COL23A1: variants seen among roughly 807,000 people sequenced by gnomAD.
COL23A1 encodes the protein collagen type XXIII alpha 1 chain.
COL23A1 carries 97 observed loss-of-function variants against 99.3 expected under a neutral mutation model. The observed-to-expected ratio is 0.98, with a 90% CI of 0.83 to 1.16. COL23A1 has a LOEUF of 1.16. COL23A1 is among the 50% of genes most tolerant of loss of function. COL23A1 has a pLI of 0.00. For missense variants in COL23A1, 762 were observed against 757.4 expected (o/e 1.01, Z -0.07); for synonymous variants, 320 against 308.2 (o/e 1.04, Z -0.40).
At chr5:178,493,604 G>T (rs1408603027) in intron 2 of COL23A1, among the ~76,000 whole-genome samples, 1 of 152,232 alleles carries the variant, frequency 6.6e-6, no homozygotes, top group African/African-American at 2.4e-5. Flanking sequence ...GGCCCTGCCA[G>T]CCGCTCTGGC....
In COL23A1 at chr5:178,246,170, G is replaced by A. The variant is rs369748856; in HGVS notation, c.1413+84C>T. ...CCTGCGAAGTGCAGGGACCCAGTGA[G>A]GTACAGGGTTGGGGTCCCCGGGCTG... On this transcript the variant is annotated intron_variant, in intron 24 of 28. Transcript: ENST00000390654. The A allele has an allele frequency of 6.0e-6, 5 of 836,996 alleles. No homozygotes were observed. In the South Asian group the frequency reaches 7.3e-5, roughly 12 times the overall value. The allele number at this position is 836,996 out of a possible 1,614,324, so 51.8% of individuals were successfully genotyped here.
At chr5:178,423,516 CCTGGG>C (rs1159610854) in intron 2 of COL23A1, among the ~76,000 whole-genome samples, 1 of 152,160 alleles carries the variant, frequency 6.6e-6, no homozygotes, top group Non-Finnish European at 1.5e-5. Flanking sequence ...GTGAGGGTAG[CCTGGG>C]CTGAGCCGCG....
chr5:178,464,678 G>C (rs1756318170), intron 2 of COL23A1, among the ~76,000 whole-genome samples: 1 of 152,198 alleles, frequency 6.6e-6, no homozygotes, highest in Non-Finnish European at 1.5e-5. Flanking sequence ...TTAAACAATA[G>C]AAAAAGCTGG....
Position 178,249,716 on chromosome 5 carries a change from A to ACACACACTCTCTCTCT in COL23A1, c.1059+344_1059+345insAGAGAGAGAGTGTGTG. ...CACACACACACACACACACACACAC[A>ACACACACTCTCTCTCT]CTCTCTCTCTCTCTCTCTCTCTCTC... On this transcript the variant is annotated intron_variant, in intron 18 of 28. Transcript: ENST00000390654. Among the ~76,000 whole-genome samples, 80 of 92,800 alleles carry ACACACACTCTCTCTCT rather than the reference A, an allele frequency of 8.6e-4. 1 individual carries two copies. Among genetic ancestry groups the ACACACACTCTCTCTCT allele is most frequent in the African/African-American group, 2.9e-3 (68 of 23,476 alleles). 60.9% of individuals were successfully genotyped at this position (92,800 alleles called of 152,430 possible).
chr5:178,248,138 AC>A lies in COL23A1; in HGVS notation c.1212+53del, dbSNP rs906036985. On this transcript the variant is annotated intron_variant, in intron 20 of 28. Transcript: ENST00000390654. Reference sequence around the variant, plus strand: ...TTTTGTCCCAAGGCTCAGGGTCCCCACCCAGCCTGGACTGGGTGTTGGGGGA... The same window carrying A: ...TTTTGTCCCAAGGCTCAGGGTCCCCACCAGCCTGGACTGGGTGTTGGGGGA... The A allele has an allele frequency of 4.5e-6, 6 of 1,318,902 alleles. No homozygotes were observed. In the Admixed American group the frequency reaches 6.1e-5, roughly 13 times the overall value. The allele number at this position is 1,318,902 out of a possible 1,614,324, so 81.7% of individuals were successfully genotyped here. A position where few individuals can be genotyped will look rare whatever the true frequency, so the allele number is the denominator to read the frequency against.
intron 2 of COL23A1, among the ~76,000 whole-genome samples, chr5:178,443,630 T>TG (rs1458770929): frequency 1.3e-5 from 2 of 151,524 alleles, no homozygotes; most frequent in East Asian, 3.9e-4. Flanking sequence ...CCAGCTATTT[T>TG]TTTTTTTCGT....
chr5:178,523,225 G>GAGAGAGAGAC (rs1760098729), intron 2 of COL23A1, among the ~76,000 whole-genome samples: 1 of 108,076 alleles, frequency 9.3e-6, no homozygotes, highest in Non-Finnish European at 2.0e-5. Flanking sequence ...GAGAGAGAGA[G>GAGAGAGAGAC]ACAGAGGGAG....
chr5:178,260,740 G>C (rs1765580077), intron 11 of COL23A1, among the ~76,000 whole-genome samples: 1 of 152,204 alleles, frequency 6.6e-6, no homozygotes, highest in African/African-American at 2.4e-5. Flanking sequence ...GTTGCAGTGG[G>C]CTGAGATTGT....
At chr5:178,290,297 T>C in intron 4 of COL23A1, 65 bp downstream of exon 4, 3 of 1,611,214 alleles carry the variant, frequency 1.9e-6, no homozygotes, top group Non-Finnish European at 2.5e-6. Flanking sequence ...TTCATGGAAT[T>C]GCAACAGAGA....
At chr5:178,377,201 A>G (rs1763117434) in intron 2 of COL23A1, among the ~76,000 whole-genome samples, 1 of 152,202 alleles carries the variant, frequency 6.6e-6, no homozygotes, top group Non-Finnish European at 1.5e-5. Context: ...AGCTATGATT[A>G]ACGTAATTCC....
chr5:178,248,158 TG>T, intron 20 of COL23A1, 33 bp downstream of exon 20: 3 of 1,458,926 alleles, frequency 2.1e-6, no homozygotes, highest in Non-Finnish European at 2.9e-6. Context: ...GACTGGGTGT[TG>T]GGGGAAGCCC....
intron 2 of COL23A1, among the ~76,000 whole-genome samples, chr5:178,467,660 C>T (rs1036837249): frequency 6.6e-6 from 1 of 152,190 alleles, no homozygotes; most frequent in African/African-American, 2.4e-5. Flanking sequence ...CCACGGCACA[C>T]CCGCTTCGTG....
intron 2 of COL23A1, among the ~76,000 whole-genome samples, chr5:178,502,293 G>T (rs557548328): frequency 6.6e-6 from 1 of 152,066 alleles, no homozygotes; most frequent in Non-Finnish European, 1.5e-5. Context: ...CACCACGCCC[G>T]GCTAATTTTT....
intron 2 of COL23A1, among the ~76,000 whole-genome samples, chr5:178,499,990 A>G (rs1001537570): frequency 6.6e-6 from 1 of 152,192 alleles, no homozygotes; most frequent in African/African-American, 2.4e-5. Flanking sequence ...AGTTACATAG[A>G]CTTCTTGGAA....
Position 178,366,614 on chromosome 5 carries a change from C to T in COL23A1, c.362-59695G>A, listed in dbSNP as rs1459222920. The stretch of plus-strand genomic sequence containing the variant: ...GATCACTGTGACTAGAACAAGTCCT[C>T]GTGTCTCTCTATGTGAGCCCCCAAC... On this transcript the variant is annotated intron_variant, in intron 2 of 28. Transcript: ENST00000390654. The surrounding 1 kb of genome is among the most constrained non-coding windows in gnomAD (Gnocchi z 4.4). 6.6e-6 allele frequency among the ~76,000 whole-genome samples: 1 copy of T among 152,156 alleles called. No individual in the cohort carries two copies. The highest frequency in any genetic ancestry group is 1.5e-5 in the Non-Finnish European group (1 of 68,024).
chr5:178,459,418 T>C (rs1755992725), intron 2 of COL23A1, among the ~76,000 whole-genome samples: 1 of 152,196 alleles, frequency 6.6e-6, no homozygotes, highest in Non-Finnish European at 1.5e-5. Context: ...GTGACTGGTA[T>C]GTGGGGCTCA....
intron 2 of COL23A1, among the ~76,000 whole-genome samples, chr5:178,398,905 C>G (rs1388777001): frequency 6.6e-6 from 1 of 152,236 alleles, no homozygotes; most frequent in Admixed American, 6.5e-5. Context: ...AGCACCCAGA[C>G]AGCCTGGCAC....
rs558832497 is a variant in COL23A1 at position 178,444,156 on chromosome 5, T to C, written c.361+116526A>G. Among the ~76,000 whole-genome samples, 144 of 152,178 alleles carry C rather than the reference T, an allele frequency of 9.5e-4. 1 individual carries two copies. The highest frequency in any genetic ancestry group is 3.3e-3 in the African/African-American group (137 of 41,532). ...AGGAGGTCAAGGCTGCAGTAAGCTG[T>C]GATTGCACCACGGCCGGGGTTACAG... On this transcript the variant is annotated intron_variant, in intron 2 of 28. Coordinates refer to ENST00000390654, the MANE Select transcript of COL23A1 (RefSeq NM_173465.4).
intron 5 of COL23A1, among the ~76,000 whole-genome samples, chr5:178,274,253 T>C (rs1227453541): frequency 6.6e-6 from 1 of 152,204 alleles, no homozygotes; most frequent in African/African-American, 2.4e-5. Context: ...GCAAAGCAAC[T>C]GAGGCGTGAG....
Sources: gnomAD v4.1 joint callset for allele counts (sites outside exome capture counted in the v4.1 genomes callset) on GRCh38, gnomAD v4.1.1 for gene constraint, Gnocchi (gnomAD v3.1) non-coding constraint, MANE v1.5 for transcripts, NCBI Gene and HGNC (gene_info 2026-07-23, HGNC 2026-07-21) for gene names.